Variants in THSD7B observed in about 807,000 individuals in gnomAD.
The protein encoded by THSD7B is thrombospondin type 1 domain containing 7B.
In THSD7B, 138 loss-of-function variants were observed where a neutral mutation model predicts 213.6. That is an observed-to-expected ratio of 0.65 (90% confidence interval 0.56 to 0.74). THSD7B has a LOEUF of 0.74. Ranked by LOEUF, THSD7B falls within the 30% of genes least tolerant of loss-of-function variation. THSD7B has a pLI of 0.00. For synonymous variants in THSD7B, 742 were observed against 687.0 expected, an observed-to-expected ratio of 1.08 and a Z score of -1.25; for missense variants, 1,931 against 1,991.5, an observed-to-expected ratio of 0.97 and a Z score of 0.58.
chr2:137,500,373 T>A (rs1679674060), intron 15 of THSD7B, among the ~76,000 whole-genome samples: 4 of 152,224 alleles, frequency 2.6e-5, no homozygotes, highest in Admixed American at 2.6e-4. Flanking sequence ...GTAGCAAAGA[T>A]CTAGACATTT....
intron 12 of THSD7B, among the ~76,000 whole-genome samples, chr2:137,363,753 A>C (rs1025300001): frequency 3.3e-5 from 5 of 152,218 alleles, no homozygotes; most frequent in African/African-American, 1.2e-4. Flanking sequence ...CCAATAGCAT[A>C]CCAACCAAAA....
chr2:137,163,183 T>C (rs1457026649), intron 6 of THSD7B, among the ~76,000 whole-genome samples: 1 of 152,162 alleles, frequency 6.6e-6, no homozygotes, highest in Non-Finnish European at 1.5e-5. Flanking sequence ...TATTTCTCTA[T>C]AGTAAAAGTC....
chr2:136,921,948 C>G (rs1199571871), intron 2 of THSD7B, among the ~76,000 whole-genome samples: 1 of 152,146 alleles, frequency 6.6e-6, no homozygotes, highest in Non-Finnish European at 1.5e-5. Flanking sequence ...CCTGGGATTC[C>G]TTCAGTGCTT....
At chr2:137,196,767 G>A (rs1680773746) in intron 7 of THSD7B, among the ~76,000 whole-genome samples, 1 of 152,114 alleles carries the variant, frequency 6.6e-6, no homozygotes, top group Non-Finnish European at 1.5e-5. Flanking sequence ...ATAAATGAAT[G>A]TCATGTTTAG....
chr2:137,004,357 C>T lies in THSD7B; in HGVS notation c.140-52063C>T, dbSNP rs568632359. 4.5e-4 allele frequency among the ~76,000 whole-genome samples: 67 copies of T among 147,326 alleles called. 1 individual carries two copies. The highest frequency in any genetic ancestry group is 1.4e-3 in the African/African-American group (55 of 39,956). On this transcript the variant is annotated intron_variant, in intron 2 of 27. Transcript: ENST00000409968. ...CACACACACACACACAAACTTATTC[C>T]AGGAGAACCATTATAAGGTTATGTG...
intron 2 of THSD7B, among the ~76,000 whole-genome samples, chr2:136,933,420 A>G (rs937023114): frequency 2.0e-5 from 3 of 152,102 alleles, no homozygotes; most frequent in East Asian, 3.9e-4. Flanking sequence ...ACTAAAAAAG[A>G]ATACAATAAT....
intron 10 of THSD7B, among the ~76,000 whole-genome samples, chr2:137,257,855 A>G (rs1212303831): frequency 2.6e-5 from 4 of 152,204 alleles, no homozygotes; most frequent in East Asian, 1.9e-4. Context: ...AGCGGAATGC[A>G]CACTCTGGAC....
At chr2:136,920,272 G>A (rs1402794059) in intron 2 of THSD7B, among the ~76,000 whole-genome samples, 3 of 152,198 alleles carry the variant, frequency 2.0e-5, no homozygotes, top group African/African-American at 7.2e-5. Context: ...ACCCAAAGTG[G>A]CTAGTTTCCT....
At chr2:137,028,938 G>A (rs1686606358) in intron 2 of THSD7B, among the ~76,000 whole-genome samples, 1 of 152,016 alleles carries the variant, frequency 6.6e-6, no homozygotes, top group African/African-American at 2.4e-5. Flanking sequence ...ATCCCTCCAA[G>A]CAAAGAAAAC....
chr2:137,232,147 A>T (rs114408189), intron 8 of THSD7B, among the ~76,000 whole-genome samples: 1 of 152,216 alleles, frequency 6.6e-6, no homozygotes, highest in Non-Finnish European at 1.5e-5. Flanking sequence ...ATAAACCATT[A>T]AAGTGTAGAA....
chr2:136,863,903 T>C lies in THSD7B; in HGVS notation c.-35-18241T>C, dbSNP rs968434095. Among the ~76,000 whole-genome samples, 7 of 152,214 alleles carry C rather than the reference T, an allele frequency of 4.6e-5. No individual in the cohort carries two copies. The East Asian group carries it at 1.3e-3, about 29-fold the overall frequency. On this transcript the variant is annotated intron_variant, in intron 1 of 27. Transcript: ENST00000409968. ...TATCCAGCAACGAGCCTTGGTGATT[T>C]ACAGGACCGTGAAACCCAAGGGTCT...
At chr2:137,080,000 C>T (rs1027865578) in intron 3 of THSD7B, among the ~76,000 whole-genome samples, 7 of 152,006 alleles carry the variant, frequency 4.6e-5, no homozygotes, top group Non-Finnish European at 1.0e-4. Context: ...CCACCACTCT[C>T]TGCTAATTTT....
At chr2:137,514,019 T>C (rs1410354294) in intron 15 of THSD7B, among the ~76,000 whole-genome samples, 2 of 152,220 alleles carry the variant, frequency 1.3e-5, no homozygotes, top group Non-Finnish European at 2.9e-5. Context: ...CTGTCTGTAT[T>C]GATCTATTTC....
At chr2:137,587,560 G>A (rs1681764046) in intron 17 of THSD7B, among the ~76,000 whole-genome samples, 1 of 152,210 alleles carries the variant, frequency 6.6e-6, no homozygotes, top group African/African-American at 2.4e-5. Context: ...TAACATTCAG[G>A]ATCCTCAACT....
chr2:137,235,826 T>C (rs1043569541), intron 9 of THSD7B, among the ~76,000 whole-genome samples: 1 of 152,198 alleles, frequency 6.6e-6, no homozygotes, highest in Non-Finnish European at 1.5e-5. Flanking sequence ...TTCCCTAACA[T>C]ACACACACAA....
chr2:137,414,850 C>T (rs981235796), intron 14 of THSD7B, among the ~76,000 whole-genome samples: 2 of 151,918 alleles, frequency 1.3e-5, no homozygotes, highest in African/African-American at 4.8e-5. Flanking sequence ...GAGGCCATGA[C>T]TTCAAGACCA....
At chr2:137,064,254 T>G (rs1573798219) in intron 3 of THSD7B, among the ~76,000 whole-genome samples, 1 of 152,104 alleles carries the variant, frequency 6.6e-6, no homozygotes, top group East Asian at 1.9e-4. Context: ...TCTCTGATGA[T>G]CAGTGATGCT....
chr2:136,849,832 A>G (rs1483919878), intron 1 of THSD7B, among the ~76,000 whole-genome samples: 1 of 152,162 alleles, frequency 6.6e-6, no homozygotes, highest in African/African-American at 2.4e-5. Context: ...AACAAACAAT[A>G]TAACACCTAG....
intron 1 of THSD7B, among the ~76,000 whole-genome samples, chr2:136,848,845 A>G (rs964900789): frequency 6.6e-6 from 1 of 151,896 alleles, no homozygotes; most frequent in African/African-American, 2.4e-5. Context: ...TGTGATCACA[A>G]ATTCCCAATT....
Sources: allele counts gnomAD v4.1 joint callset (sites outside exome capture counted in the v4.1 genomes callset), GRCh38; gene constraint gnomAD v4.1.1; transcripts MANE v1.5; gene names NCBI Gene and HGNC (gene_info 2026-07-23, HGNC 2026-07-21).